Variants in CCBE1 observed in about 807,000 individuals in gnomAD.
CCBE1 encodes collagen and calcium binding EGF domains 1.
A neutral mutation model predicts 50.0 loss-of-function variants in CCBE1; 37 were observed. That is an observed-to-expected ratio of 0.74 (90% CI 0.57 to 0.97). CCBE1 has a LOEUF of 0.97. CCBE1 is among the 50% of genes least tolerant of loss of function. CCBE1 has a pLI of 0.00. For missense variants in CCBE1, 538 were observed against 523.8 expected, an observed-to-expected ratio of 1.03 and a Z score of -0.26; for synonymous variants, 234 against 203.7, an observed-to-expected ratio of 1.15 and a Z score of -1.27.
At chr18:59,476,667 C>T (rs1412594608) in intron 3 of CCBE1, among the ~76,000 whole-genome samples, 3 of 152,228 alleles carry the variant, frequency 2.0e-5, no homozygotes, top group East Asian at 3.8e-4. Context: ...GCAGCAAATA[C>T]GAGGCAGCAA....
At chr18:59,506,869 A>G (rs766401120) in intron 2 of CCBE1, among the ~76,000 whole-genome samples, 1 of 152,254 alleles carries the variant, frequency 6.6e-6, no homozygotes, top group Non-Finnish European at 1.5e-5. Flanking sequence ...TTTGCTTCCC[A>G]TAAAGTGACT....
intron 2 of CCBE1, among the ~76,000 whole-genome samples, chr18:59,539,098 C>T (rs192442552): frequency 1.3e-5 from 2 of 152,110 alleles, no homozygotes; most frequent in African/African-American, 4.8e-5. Context: ...ACCGCTTGAG[C>T]CCAAGAGGTC....
chr18:59,442,230 G>A (rs1045108745), intron 7 of CCBE1, among the ~76,000 whole-genome samples: 4 of 152,034 alleles, frequency 2.6e-5, no homozygotes, highest in South Asian at 2.1e-4. Context: ...GTGCTGTGTC[G>A]ATACAGGCTT....
chr18:59,504,595 G>C (rs1162692573), intron 2 of CCBE1, among the ~76,000 whole-genome samples: 2 of 152,166 alleles, frequency 1.3e-5, no homozygotes, highest in African/African-American at 4.8e-5. Context: ...GATGGGGGCA[G>C]AGATCGGAGC....
intron 2 of CCBE1, among the ~76,000 whole-genome samples, chr18:59,603,516 C>A (rs2053458420): frequency 6.6e-6 from 1 of 152,188 alleles, no homozygotes; most frequent in Non-Finnish European, 1.5e-5. Context: ...TACCTCCCTG[C>A]TTCAAGACCT....
intron 2 of CCBE1, among the ~76,000 whole-genome samples, chr18:59,678,298 T>C (rs2054536453): frequency 6.6e-6 from 1 of 152,132 alleles, no homozygotes; most frequent in African/African-American, 2.4e-5. Flanking sequence ...CAGGGGGGTG[T>C]TGAGGGCACA....
At chr18:59,603,524 C>T (rs2053458643) in intron 2 of CCBE1, among the ~76,000 whole-genome samples, 1 of 152,156 alleles carries the variant, frequency 6.6e-6, no homozygotes, top group Non-Finnish European at 1.5e-5. Context: ...TGCTTCAAGA[C>T]CTTTCACATC....
At chr18:59,665,294 CTGGTTA>C (rs2054338572) in intron 2 of CCBE1, among the ~76,000 whole-genome samples, 2 of 152,080 alleles carry the variant, frequency 1.3e-5, no homozygotes, top group South Asian at 4.1e-4. Flanking sequence ...CCTGATTTTA[CTGGTTA>C]TGGTACAGAA....
intron 2 of CCBE1, among the ~76,000 whole-genome samples, chr18:59,629,829 G>A (rs886933245): frequency 1.1e-4 from 16 of 152,146 alleles, no homozygotes; most frequent in Non-Finnish European, 2.2e-4. Context: ...GTGCCTTCAG[G>A]GGGAGGTAGC....
intron 2 of CCBE1, among the ~76,000 whole-genome samples, chr18:59,516,607 T>C (rs1292416122): frequency 6.6e-6 from 1 of 152,216 alleles, no homozygotes; most frequent in Admixed American, 6.5e-5. Flanking sequence ...CCTCCTGTTA[T>C]GACTCATCTT....
chr18:59,647,227 T>G (rs1412865912), intron 2 of CCBE1, among the ~76,000 whole-genome samples: 1 of 152,188 alleles, frequency 6.6e-6, no homozygotes, highest in African/African-American at 2.4e-5. Context: ...AAATTCAGCC[T>G]TAAGTGTTCA....
intron 2 of CCBE1, among the ~76,000 whole-genome samples, chr18:59,581,538 CCACTGGGTAATAAAG>C (rs552860524): frequency 3.9e-5 from 6 of 152,114 alleles, no homozygotes; most frequent in Admixed American, 3.9e-4. Flanking sequence ...ATACCCAGAT[CCACTGGGTAATAAAG>C]CACATTCTCA....
chr18:59,659,895 C>G (rs2054258877), intron 2 of CCBE1, among the ~76,000 whole-genome samples: 1 of 152,132 alleles, frequency 6.6e-6, no homozygotes, highest in Non-Finnish European at 1.5e-5. Flanking sequence ...AGAGGTCCCC[C>G]CTCCCAGTTC....
intron 2 of CCBE1, among the ~76,000 whole-genome samples, chr18:59,547,447 G>T (rs1295801272): frequency 6.6e-6 from 1 of 152,120 alleles, no homozygotes; most frequent in African/African-American, 2.4e-5. Flanking sequence ...ATGTCCAGAA[G>T]GCAATAGCAG....
In CCBE1 at chr18:59,581,434, C is replaced by T. The variant is rs1259064811; in HGVS notation, c.213-101196G>A. On this transcript the variant is annotated intron_variant, in intron 2 of 10. Transcript: ENST00000439986. Reference sequence around the variant, plus strand: ...CCAGCCTGGTGACAGAATGAGACTCCATCTCAAAAAAAAAAAAAGCCCCAA... The same window carrying T: ...CCAGCCTGGTGACAGAATGAGACTCTATCTCAAAAAAAAAAAAAGCCCCAA... 3.6e-5 allele frequency among the ~76,000 whole-genome samples: 4 copies of T among 111,334 alleles called. No homozygotes were observed. The Admixed American group carries it at 3.6e-4, about 10-fold the overall frequency. The allele number at this position is 111,334 out of a possible 152,430, so 73.0% of individuals were successfully genotyped here. A position where few individuals can be genotyped will look rare whatever the true frequency, so the allele number is the denominator to read the frequency against.
In CCBE1 at chr18:59,435,159, G is replaced by T. The variant is rs1910095099; in HGVS notation, c.*749C>A. 6.6e-6 allele frequency: 1 copy of T among 152,214 alleles called. No homozygotes were observed. The highest frequency in any genetic ancestry group is 6.5e-5 in the Admixed American group (1 of 15,278). The allele number at this position is 152,214 out of a possible 1,614,324, so 9.4% of individuals were successfully genotyped here. A position where few individuals can be genotyped will look rare whatever the true frequency, so the allele number is the denominator to read the frequency against. The stretch of plus-strand genomic sequence containing the variant: ...ATTTCACTTTGTTTTTTTGAAAAGA[G>T]AGTTTAATCTTCTTCCCTAAATAGG... On this transcript the variant is annotated 3_prime_UTR_variant, in exon 11 of 11. Transcript: ENST00000439986.
At chr18:59,507,897 CTTTT>C (rs113598829) in intron 2 of CCBE1, among the ~76,000 whole-genome samples, 1 of 143,868 alleles carries the variant, frequency 7.0e-6, no homozygotes, top group Non-Finnish European at 1.5e-5. Flanking sequence ...CTTTCTTTTC[CTTTT>C]TTTTTTTTGA....
chr18:59,591,745 A>G (rs1036247259), intron 2 of CCBE1, among the ~76,000 whole-genome samples: 1 of 152,232 alleles, frequency 6.6e-6, no homozygotes, highest in Non-Finnish European at 1.5e-5. Context: ...GGAAATAGGC[A>G]ATACCTAAAA....
chr18:59,538,182 A>G (rs528141032), intron 2 of CCBE1, among the ~76,000 whole-genome samples: 1 of 152,350 alleles, frequency 6.6e-6, no homozygotes, highest in African/African-American at 2.4e-5. Context: ...TAGCTACAGT[A>G]AAAGCTATAG....
Sources: gnomAD v4.1 joint callset for allele counts (sites outside exome capture counted in the v4.1 genomes callset) on GRCh38, gnomAD v4.1.1 for gene constraint, MANE v1.5 for transcripts, NCBI Gene and HGNC (gene_info 2026-07-23, HGNC 2026-07-21) for gene names.